Variants in ITPKB observed in about 807,000 individuals in gnomAD.
ITPKB encodes IP3 3-kinase B.
In ITPKB, 13 loss-of-function variants were observed where a neutral mutation model predicts 69.4. The ratio of observed to expected loss-of-function variants is 0.19; its 90% CI spans 0.12 to 0.30. ITPKB has a LOEUF of 0.30. ITPKB is among the 10% of genes least tolerant of loss of function. The pLI is 1.00. For synonymous variants in ITPKB, 584 were observed against 513.7 expected, an observed-to-expected ratio of 1.14 and a Z score of -1.85; for missense variants, 1,240 against 1,250.5, an observed-to-expected ratio of 0.99 and a Z score of 0.13.
At chr1:226,723,643 A>G (rs1221426280) in intron 2 of ITPKB, among the ~76,000 whole-genome samples, 1 of 152,078 alleles carries the variant, frequency 6.6e-6, no homozygotes, top group Non-Finnish European at 1.5e-5. Flanking sequence ...AGTGACTCTA[A>G]AAGATGCACC....
chr1:226,642,215 G>A lies in ITPKB; in HGVS notation c.2247-90C>T, dbSNP rs1027338395. ...CCTGCCTGGTGGATGAAGGTTTGGGGCGTGTGTTGCCCAACAGCTGCAGTC... is the reference window on the plus strand; with the variant it reads ...CCTGCCTGGTGGATGAAGGTTTGGGACGTGTGTTGCCCAACAGCTGCAGTC... On this transcript the variant is annotated intron_variant, in intron 4 of 7. Transcript: ENST00000429204. The surrounding 1 kb of genome is among the most constrained non-coding windows in gnomAD (Gnocchi z 6.4). 3.7e-5 allele frequency: 40 copies of A among 1,087,952 alleles called. No individual in the cohort carries two copies. The highest frequency in any genetic ancestry group is 3.1e-5 in the African/African-American group (2 of 64,154). The allele number at this position is 1,087,952 out of a possible 1,614,324, so 67.4% of individuals were successfully genotyped here.
At chr1:226,640,192 G>A (rs1381846578) in intron 5 of ITPKB, among the ~76,000 whole-genome samples, 1 of 152,158 alleles carries the variant, frequency 6.6e-6, no homozygotes, top group African/African-American at 2.4e-5. Context: ...ATCCAATACA[G>A]CCCTGCCCAT....
Position 226,737,610 on chromosome 1 carries a change from G to C in ITPKB, c.-152C>G, listed in dbSNP as rs561704219. ...GCGGCATGGCCTGGGCAGCGGGCTG[G>C]GGGCACGACCGCGGGCTCAGCCCCC... is the stretch of plus-strand genomic sequence containing the variant. On this transcript the variant is annotated 5_prime_UTR_variant, in exon 2 of 8. Coordinates refer to ENST00000429204, the MANE Select transcript of ITPKB (RefSeq NM_002221.4). 1 of 1,149,240 alleles carries C rather than the reference G, an allele frequency of 8.7e-7. No individual in the cohort carries two copies. Among genetic ancestry groups the C allele is most frequent in the South Asian group, 4.4e-5 (1 of 22,962 alleles). The allele number at this position is 1,149,240 out of a possible 1,614,324, so 71.2% of individuals were successfully genotyped here.
intron 2 of ITPKB, among the ~76,000 whole-genome samples, chr1:226,686,727 T>C (rs1656224159): frequency 6.6e-6 from 1 of 152,246 alleles, no homozygotes; most frequent in Non-Finnish European, 1.5e-5. Flanking sequence ...AGATCATGTG[T>C]AGCTGTGCAC....
At chr1:226,660,972 TTGG>T (rs1669393305) in intron 2 of ITPKB, among the ~76,000 whole-genome samples, 1 of 152,236 alleles carries the variant, frequency 6.6e-6, no homozygotes, top group Admixed American at 6.5e-5. Context: ...TATTTTTACT[TTGG>T]TAAATGCAAA....
chr1:226,690,976 C>G (rs1050255277), intron 2 of ITPKB, among the ~76,000 whole-genome samples: 2 of 152,166 alleles, frequency 1.3e-5, no homozygotes, highest in African/African-American at 4.8e-5. Context: ...AAAGGACAAA[C>G]GCTGTATGAC....
intron 2 of ITPKB, among the ~76,000 whole-genome samples, chr1:226,677,420 T>C (rs900107539): frequency 6.6e-6 from 1 of 151,840 alleles, no homozygotes; most frequent in South Asian, 2.1e-4. Context: ...CTGCCTGAGG[T>C]TTCCTCCAGA....
At chr1:226,668,504 C>T (rs1669549127) in intron 2 of ITPKB, among the ~76,000 whole-genome samples, 1 of 152,202 alleles carries the variant, frequency 6.6e-6, no homozygotes, top group Non-Finnish European at 1.5e-5. Context: ...GCTATTCCAT[C>T]CTCTCATTCT....
At chr1:226,676,740 A>G (rs1010515528) in intron 2 of ITPKB, among the ~76,000 whole-genome samples, 1 of 152,266 alleles carries the variant, frequency 6.6e-6, no homozygotes, top group African/African-American at 2.4e-5. Context: ...CCTTGACTTA[A>G]AAAGGACGTA....
chr1:226,711,702 G>A (rs555358569), intron 2 of ITPKB, among the ~76,000 whole-genome samples: 37 of 152,322 alleles, frequency 2.4e-4, no homozygotes, highest in African/African-American at 8.9e-4. Context: ...CTGAACAGAA[G>A]TTCCTCAGGA....
intron 2 of ITPKB, among the ~76,000 whole-genome samples, chr1:226,733,570 C>T (rs1361001678): frequency 6.6e-6 from 1 of 151,512 alleles, no homozygotes; most frequent in African/African-American, 2.4e-5. Flanking sequence ...CCTTACCCCC[C>T]TACACACACA....
chr1:226,685,457 A>T (rs1656186105), intron 2 of ITPKB, among the ~76,000 whole-genome samples: 1 of 152,082 alleles, frequency 6.6e-6, no homozygotes, highest in African/African-American at 2.4e-5. Context: ...CTCCCTGTCC[A>T]GCCACTGAAG....
chr1:226,648,810 C>T (rs1669114101), intron 2 of ITPKB, 39 bp from the exon 3 acceptor site: 2 of 1,337,072 alleles, frequency 1.5e-6, no homozygotes, highest in African/African-American at 2.9e-5. Flanking sequence ...ATTAGAAAGA[C>T]AACCACTAAT....
intron 2 of ITPKB, among the ~76,000 whole-genome samples, chr1:226,699,008 T>C (rs1009199130): frequency 8.5e-5 from 13 of 152,218 alleles, no homozygotes; most frequent in African/African-American, 2.4e-4. Flanking sequence ...GCAGGAACAA[T>C]GCCTTAAGTT....
chr1:226,730,149 G>A (rs1434794291), intron 2 of ITPKB, among the ~76,000 whole-genome samples: 1 of 152,186 alleles, frequency 6.6e-6, no homozygotes, highest in African/African-American at 2.4e-5. Context: ...GACCAGGTCA[G>A]CAGATTCTTC....
intron 2 of ITPKB, among the ~76,000 whole-genome samples, chr1:226,703,898 C>A (rs1234861648): frequency 6.6e-6 from 1 of 152,212 alleles, no homozygotes; most frequent in African/African-American, 2.4e-5. Context: ...CAAATCCTGT[C>A]TTTCCTTGTC....
Position 226,634,674 on chromosome 1 carries a change from G to T in ITPKB, c.2838C>A (p.Ala946=), listed in dbSNP as rs747980199. The change falls in exon 8 of 8, where the codon GCC becomes GCA. Residue 946 remains alanine, a synonymous_variant. Transcript: ENST00000429204. This position sits in a 1 kb window ranked among gnomAD's most constrained non-coding sequence, Gnocchi z 6.3. ...LTEMSQDAPL[A] is the part of the protein sequence containing the mutation. Reference sequence around the variant, plus strand: ...GGCCAGGGAGGGCGTGGGCAGCTCAGGCGAGTGGGGCATCCTGGGACATCT... The same window carrying T: ...GGCCAGGGAGGGCGTGGGCAGCTCATGCGAGTGGGGCATCCTGGGACATCT... 15 of 813,384 alleles carry T rather than the reference G, an allele frequency of 1.8e-5. No individual in the cohort carries two copies. In the South Asian group the frequency reaches 1.9e-4, roughly 10 times the overall value. 50.4% of individuals were successfully genotyped at this position (813,384 alleles called of 1,614,324 possible). A position where few individuals can be genotyped will look rare whatever the true frequency, so the allele number is the denominator to read the frequency against.
At chr1:226,658,082 T>A (rs1260168472) in intron 2 of ITPKB, among the ~76,000 whole-genome samples, 1 of 152,254 alleles carries the variant, frequency 6.6e-6, no homozygotes, top group African/African-American at 2.4e-5. Context: ...AAGCCTTTGT[T>A]TTGCTCTTGC....
chr1:226,718,507 G>A (rs991796532), intron 2 of ITPKB, among the ~76,000 whole-genome samples: 2 of 151,894 alleles, frequency 1.3e-5, no homozygotes, highest in Non-Finnish European at 1.5e-5. Flanking sequence ...AGGCTAAGGC[G>A]GGAGGATCCC....
Sources: gnomAD v4.1 joint callset for allele counts (sites outside exome capture counted in the v4.1 genomes callset) on GRCh38, gnomAD v4.1.1 for gene constraint, Gnocchi (gnomAD v3.1) non-coding constraint, MANE v1.5 for transcripts, NCBI Gene and HGNC (gene_info 2026-07-23, HGNC 2026-07-21) for gene names.